The following FAM117A variants were observed in gnomAD, a reference collection of about 807,000 sequenced individuals.
FAM117A encodes the protein family with sequence similarity 117 member A.
A neutral mutation model predicts 44.1 loss-of-function variants in FAM117A; 21 were observed. The ratio of observed to expected loss-of-function variants is 0.48; its 90% CI spans 0.34 to 0.69. The LOEUF (loss-of-function observed/expected upper bound fraction) is 0.69, where lower values mean the gene tolerates loss of function less well. Among genes scored for constraint, FAM117A ranks in the 30% least tolerant of loss-of-function variants. The pLI, the probability that FAM117A is intolerant of heterozygous loss-of-function variation, is 0.01. For synonymous variants in FAM117A, 220 were observed against 238.3 expected (o/e 0.92, Z 0.71); for missense variants, 498 against 589.9 (o/e 0.84, Z 1.61).
chr17:49,722,462 C>T (rs766288942), intron 3 of FAM117A, 37 bp downstream of exon 3: 13 of 1,549,622 alleles, frequency 8.4e-6, no homozygotes, highest in Non-Finnish European at 5.3e-6. Context: ...CGAGAAGAAG[C>T]CGCTACCCTA....
At chr17:49,786,517 C>T (rs980976474) in intron 1 of FAM117A, among the ~76,000 whole-genome samples, 102 of 152,320 alleles carry the variant, frequency 6.7e-4, no homozygotes, top group Admixed American at 1.7e-3. Flanking sequence ...TGGCTCACAC[C>T]TGTAATCCCA....
chr17:49,765,692 C>CA (rs1293640720), upstream of FAM117A: 1 of 151,982 alleles, frequency 6.6e-6, no homozygotes, highest in East Asian at 1.9e-4. Flanking sequence ...ACTACTTTTC[C>CA]ATGAAGAGGA....
intron 2 of FAM117A, among the ~76,000 whole-genome samples, chr17:49,724,951 C>T (rs979209980): frequency 3.3e-5 from 5 of 152,158 alleles, no homozygotes; most frequent in African/African-American, 1.2e-4. Context: ...CTCCGCTCAG[C>T]AACGTCTTCC....
At chr17:49,765,159 T>C (rs2073741614), upstream of FAM117A, among the ~76,000 whole-genome samples, 1 of 152,200 alleles carries the variant, frequency 6.6e-6, no homozygotes, top group East Asian at 1.9e-4. Context: ...TATTAAAAAG[T>C]ATTATGCTTC....
intron 1 of FAM117A, among the ~76,000 whole-genome samples, chr17:49,737,297 T>G (rs2073614685): frequency 6.6e-6 from 1 of 152,212 alleles, no homozygotes; most frequent in South Asian, 2.1e-4. Context: ...TCTGGGAGCT[T>G]CTGACCCACA....
rs1368799158 is a variant in FAM117A at position 49,717,731 on chromosome 17, G to A, written c.709-17C>T. ...ATCAAGGATCTAACGGGGAAGGACG[G>A]TAAAGACTGTCAGCCCTGAGTATTT... On this transcript the variant is annotated splice_polypyrimidine_tract_variant and intron_variant, in intron 5 of 7. Coordinates refer to ENST00000240364, the MANE Select transcript of FAM117A (RefSeq NM_030802.4). The A allele has an allele frequency of 1.9e-6, 3 of 1,576,896 alleles. No homozygotes were observed. The highest frequency in any genetic ancestry group is 1.7e-6 in the Non-Finnish European group (2 of 1,158,524).
intron 1 of FAM117A, among the ~76,000 whole-genome samples, chr17:49,769,695 A>G (rs1451370127): frequency 6.6e-6 from 1 of 151,960 alleles, no homozygotes; most frequent in African/African-American, 2.4e-5. Context: ...ACAGAGCGAA[A>G]CTCCGTCTCA....
At chr17:49,745,482 G>A (rs2073651299) in intron 1 of FAM117A, among the ~76,000 whole-genome samples, 1 of 152,142 alleles carries the variant, frequency 6.6e-6, no homozygotes. Context: ...ATAGCCTGGG[G>A]GCTACCATAC....
intron 1 of FAM117A, 22 bp from the exon 2 acceptor site, chr17:49,732,742 A>C (rs768055906): frequency 3.5e-5 from 57 of 1,607,380 alleles, no homozygotes; most frequent in Non-Finnish European, 4.6e-5. Flanking sequence ...CACAGCCCGC[A>C]CGCCTTGCCA....
chr17:49,711,522 G>T lies in FAM117A; in HGVS notation c.1095C>A (p.Ser365=), dbSNP rs1304312180. 1.2e-6 allele frequency: 2 copies of T among 1,613,988 alleles called. No individual in the cohort carries two copies. Among genetic ancestry groups the T allele is most frequent in the Non-Finnish European group, 1.7e-6 (2 of 1,180,044 alleles). The change falls in exon 8 of 8, where the codon TCC becomes TCA. Residue 365 remains serine, a synonymous_variant. Transcript: ENST00000240364. Reference sequence around the variant, plus strand: ...AATGGACTTTGTTCTTGTCAGGACAGGAAGTCAGGAAGGCCAGGTCAGGAC... The same window carrying T: ...AATGGACTTTGTTCTTGTCAGGACATGAAGTCAGGAAGGCCAGGTCAGGAC... The part of the protein sequence containing the change: ...SPGPDLAFLT[S]CPDKNKVHFN...
intron 1 of FAM117A, among the ~76,000 whole-genome samples, chr17:49,782,674 A>G (rs2073793150): frequency 1.5e-5 from 2 of 136,558 alleles, no homozygotes; most frequent in Admixed American, 7.7e-5. Flanking sequence ...TGGGTGACAG[A>G]GCTAGACTTT....
chr17:49,782,703 A>AAC (rs2073793525), intron 1 of FAM117A, among the ~76,000 whole-genome samples: 1 of 151,512 alleles, frequency 6.6e-6, no homozygotes, highest in African/African-American at 2.4e-5. Context: ...AAAAAAAAAA[A>AAC]AAAAAAAACC....
At chr17:49,722,390 A>G in intron 3 of FAM117A, 109 bp downstream of exon 3, 1 of 879,758 alleles carries the variant, frequency 1.1e-6, no homozygotes, top group Non-Finnish European at 1.8e-6. Flanking sequence ...CCAGGTCAAG[A>G]TAGGAGAGGT....
chr17:49,723,693 C>G (rs990949909), intron 2 of FAM117A, among the ~76,000 whole-genome samples: 8 of 152,050 alleles, frequency 5.3e-5, no homozygotes, highest in African/African-American at 1.9e-4. Flanking sequence ...TACTCGCCAC[C>G]CAACAGCTGC....
chr17:49,761,778 T>G (rs2073723343), intron 1 of FAM117A, among the ~76,000 whole-genome samples: 1 of 152,226 alleles, frequency 6.6e-6, no homozygotes, highest in Admixed American at 6.5e-5. Flanking sequence ...AAAGCCCTGA[T>G]GTGCCTCCAA....
At chr17:49,787,180 G>A (rs1319306659) in intron 1 of FAM117A, among the ~76,000 whole-genome samples, 1 of 152,206 alleles carries the variant, frequency 6.6e-6, no homozygotes, top group Non-Finnish European at 1.5e-5. Context: ...CAGTTGGGGA[G>A]CCAGAACATT....
rs567804805 is a variant in FAM117A at position 49,748,457 on chromosome 17, A to C, written c.196+15435T>G. On this transcript the variant is annotated intron_variant, in intron 1 of 7. Coordinates refer to ENST00000240364, the MANE Select transcript of FAM117A (RefSeq NM_030802.4). The stretch of plus-strand genomic sequence containing the variant: ...CTGATTCTGGTTGGCCACTACCGGA[A>C]ACTTACGTTAGAGGAGGAAAGAGCC... Among the ~76,000 whole-genome samples, 5 of 152,252 alleles carry C rather than the reference A, an allele frequency of 3.3e-5. No individual in the cohort carries two copies. In the South Asian group the frequency reaches 8.3e-4, roughly 25 times the overall value.
intron 4 of FAM117A, 200 bp from the exon 5 acceptor site, chr17:49,720,094 C>T: frequency 1.4e-6 from 1 of 736,790 alleles, no homozygotes; most frequent in South Asian, 1.9e-5. Context: ...CTACTGTGTG[C>T]TGTAGAGTCA....
intron 1 of FAM117A, among the ~76,000 whole-genome samples, chr17:49,772,275 G>A (rs1022566120): frequency 1.3e-5 from 2 of 151,316 alleles, no homozygotes; most frequent in Non-Finnish European, 2.9e-5. Context: ...CTGGGCAACT[G>A]AGGGAAACTC....
Sources: gnomAD v4.1 joint callset for allele counts (sites outside exome capture counted in the v4.1 genomes callset) on GRCh38, gnomAD v4.1.1 for gene constraint, MANE v1.5 for transcripts, NCBI Gene and HGNC (gene_info 2026-07-23, HGNC 2026-07-21) for gene names.